Variants in NELL1 observed in about 807,000 individuals in gnomAD.
NELL1 encodes the protein protein kinase C-binding protein NELL1.
Under a neutral mutation model 107.4 loss-of-function variants are expected in NELL1, and 76 were observed. The observed-to-expected ratio is 0.71, with a 90% confidence interval of 0.59 to 0.86. The LOEUF (loss-of-function observed/expected upper bound fraction) is 0.86. Among genes scored for constraint, NELL1 ranks in the 40% least tolerant of loss-of-function variants. The probability of loss-of-function intolerance (pLI) is 0.00; values close to 1 mark genes in which losing one functional copy is unlikely to be tolerated. For missense variants in NELL1, 1,024 were observed against 1,005.5 expected, an observed-to-expected ratio of 1.02 and a Z score of -0.25; for synonymous variants, 353 against 341.2, an observed-to-expected ratio of 1.03 and a Z score of -0.38.
chr11:21,098,385 A>C (rs965721605), intron 12 of NELL1, among the ~76,000 whole-genome samples: 1 of 152,186 alleles, frequency 6.6e-6, no homozygotes, highest in Non-Finnish European at 1.5e-5. Flanking sequence ...ATTAACGGTG[A>C]AAGGCATGGC....
chr11:20,834,745 A>G (rs1414171640), intron 3 of NELL1, among the ~76,000 whole-genome samples: 1 of 152,018 alleles, frequency 6.6e-6, no homozygotes, highest in Non-Finnish European at 1.5e-5. Flanking sequence ...ACCCTAACTT[A>G]TTAGAGTGGA....
chr11:20,693,166 G>A (rs1167957453), intron 2 of NELL1, among the ~76,000 whole-genome samples: 5 of 151,012 alleles, frequency 3.3e-5, no homozygotes, highest in Admixed American at 2.0e-4. Context: ...CTTTTATTTT[G>A]AGCCTATGTG....
At chr11:21,065,891 A>G (rs1183740069) in intron 12 of NELL1, among the ~76,000 whole-genome samples, 1 of 152,196 alleles carries the variant, frequency 6.6e-6, no homozygotes, top group African/African-American at 2.4e-5. Flanking sequence ...CCCCTTGTTC[A>G]TCAGAATGGA....
intron 15 of NELL1, among the ~76,000 whole-genome samples, chr11:21,438,841 C>T (rs1393438229): frequency 6.6e-6 from 1 of 151,756 alleles, no homozygotes; most frequent in Non-Finnish European, 1.5e-5. Context: ...GAAGTTATGA[C>T]TGGTTGATGC....
chr11:20,768,020 C>T (rs772749869), intron 2 of NELL1, among the ~76,000 whole-genome samples: 14 of 152,066 alleles, frequency 9.2e-5, no homozygotes, highest in Non-Finnish European at 1.5e-4. Flanking sequence ...AAGGCTTCCC[C>T]GCAGAGGTGA....
Position 20,927,381 on chromosome 11 carries a change from T to G in NELL1, c.833T>G (p.Leu278Arg). The stretch of plus-strand genomic sequence containing the variant: ...GAGAAGACTTGTCAAGTGAGTGGAC[T>G]GCTCTATCGAGATCAAGACTCTTGG... ...HCEKTCQVSG[L>R]LYRDQDSWVD... The change falls in exon 8 of 20, where the codon CTG becomes CGG. Residue 278 changes from leucine (L) to arginine (R), a missense_variant. Transcript: ENST00000357134. The G allele has an allele frequency of 6.2e-7, 1 of 1,613,414 alleles. No homozygotes were observed. Among genetic ancestry groups the G allele is most frequent in the Non-Finnish European group, 8.5e-7 (1 of 1,179,666 alleles).
chr11:21,127,536 G>C (rs1043904405), intron 13 of NELL1, among the ~76,000 whole-genome samples: 10 of 151,970 alleles, frequency 6.6e-5, no homozygotes, highest in African/African-American at 2.4e-4. Context: ...GATTGCTTGA[G>C]CCTAGTAGTT....
intron 12 of NELL1, among the ~76,000 whole-genome samples, chr11:20,998,026 C>T (rs12801345): frequency 0.12 from 17,624 of 152,058 alleles, 3,252 homozygotes; most frequent in African/African-American, 0.39. Context: ...ATTCTTTGTA[C>T]CTATGGACAA....
At chr11:21,026,410 GT>G (rs1484486564) in intron 12 of NELL1, among the ~76,000 whole-genome samples, 2 of 152,096 alleles carry the variant, frequency 1.3e-5, no homozygotes, top group Admixed American at 1.3e-4. Context: ...CACCTCTTCA[GT>G]TTTTTACTCA....
At chr11:21,233,300 A>G (rs1858113316) in intron 14 of NELL1, among the ~76,000 whole-genome samples, 1 of 152,214 alleles carries the variant, frequency 6.6e-6, no homozygotes, top group Admixed American at 6.5e-5. Flanking sequence ...TGATGCCATT[A>G]TTCTATTTCA....
chr11:21,439,942 C>G (rs7110569), intron 15 of NELL1, among the ~76,000 whole-genome samples: 19,858 of 152,056 alleles, frequency 0.13, 1,523 homozygotes, highest in Non-Finnish European at 0.16. Context: ...GCCAGACATT[C>G]TTGCAGATAA....
At chr11:20,847,046 C>T (rs186791187) in intron 3 of NELL1, among the ~76,000 whole-genome samples, 1 of 152,170 alleles carries the variant, frequency 6.6e-6, no homozygotes, top group African/African-American at 2.4e-5. Flanking sequence ...CTAGCTTCAA[C>T]CTTTTCTCCC....
chr11:21,073,384 T>C lies in NELL1; in HGVS notation c.1301-40205T>C, dbSNP rs764011576. On this transcript the variant is annotated intron_variant, in intron 12 of 19. Transcript: ENST00000357134. ...CAGGTATACACCAATTTTGGGTCCA[T>C]TGTGGTCTGACAATTTTGGGAATCT... Among the ~76,000 whole-genome samples the C allele has an allele frequency of 3.3e-4, 50 of 152,140 alleles. 2 individuals are homozygous for C. The highest frequency in any genetic ancestry group is 2.1e-4 in the Non-Finnish European group (14 of 68,008).
chr11:21,375,272 T>A (rs963019032), intron 15 of NELL1, among the ~76,000 whole-genome samples: 1 of 152,102 alleles, frequency 6.6e-6, no homozygotes, highest in Non-Finnish European at 1.5e-5. Flanking sequence ...TACCTAATGC[T>A]TCGCTCCCAC....
intron 3 of NELL1, among the ~76,000 whole-genome samples, chr11:20,785,343 A>G (rs1278961845): frequency 6.6e-6 from 1 of 152,254 alleles, no homozygotes; most frequent in African/African-American, 2.4e-5. Flanking sequence ...CAGAGAAAGC[A>G]AGGTGATGTA....
At chr11:21,398,728 A>T (rs1852033998) in intron 15 of NELL1, among the ~76,000 whole-genome samples, 1 of 151,748 alleles carries the variant, frequency 6.6e-6, no homozygotes, top group Non-Finnish European at 1.5e-5. Context: ...AACAGAATTG[A>T]ATTTTAAGTT....
At chr11:21,448,505 C>T (rs1853499497) in intron 15 of NELL1, among the ~76,000 whole-genome samples, 1 of 152,120 alleles carries the variant, frequency 6.6e-6, no homozygotes, top group South Asian at 2.1e-4. Context: ...AATACAGGTA[C>T]AAAGTTCACC....
intron 3 of NELL1, among the ~76,000 whole-genome samples, chr11:20,812,438 C>CT (rs1331587884): frequency 6.6e-6 from 1 of 152,090 alleles, no homozygotes; most frequent in Non-Finnish European, 1.5e-5. Flanking sequence ...TATGTGTATC[C>CT]TTTTCTGGCT....
chr11:21,065,167 A>G (rs1025369365), intron 12 of NELL1, among the ~76,000 whole-genome samples: 6 of 152,116 alleles, frequency 3.9e-5, no homozygotes, highest in African/African-American at 1.4e-4. Context: ...CATAAGCCTA[A>G]TGGATTAAAT....
Sources: allele counts gnomAD v4.1 joint callset (sites outside exome capture counted in the v4.1 genomes callset), GRCh38; gene constraint gnomAD v4.1.1; transcripts MANE v1.5; gene names NCBI Gene and HGNC (gene_info 2026-07-23, HGNC 2026-07-21).